Variants in MYO7A observed in about 807,000 individuals in gnomAD.
MYO7A encodes the protein unconventional myosin-VIIa.
A neutral mutation model predicts 263.8 loss-of-function variants in MYO7A; 210 were observed. That is an observed-to-expected ratio of 0.80 (90% CI 0.71 to 0.89). MYO7A has a LOEUF of 0.89. Ranked by LOEUF, MYO7A falls within the 40% of genes least tolerant of loss-of-function variation. MYO7A has a pLI of 0.00. For missense variants in MYO7A, 2,820 were observed against 2,968.3 expected, an observed-to-expected ratio of 0.95 and a Z score of 1.16; for synonymous variants, 1,239 against 1,197.3, an observed-to-expected ratio of 1.03 and a Z score of -0.72.
In MYO7A at chr11:77,214,656, C is replaced by T. The variant is rs1294728076; in HGVS notation, c.6608C>T (p.Thr2203Ile). 2 of 1,586,018 alleles carry T rather than the reference C, an allele frequency of 1.3e-6. No homozygotes were observed. Among genetic ancestry groups the T allele is most frequent in the South Asian group, 2.3e-5 (2 of 86,622 alleles). ...ACTTCCTACATTAGCCAGATGCTCA[C>T]AGCCATGAGCAAACAGCGGGGCTCC... is the stretch of plus-strand genomic sequence containing the variant. The part of the protein sequence containing the change: ...LLTSYISQML[T>I]AMSKQRGSRS... The change falls in exon 49 of 49, where the codon ACA (threonine) becomes ATA (isoleucine). Residue 2203 changes from threonine to isoleucine, a missense_variant. Transcript: ENST00000409709.
In MYO7A at chr11:77,208,413, G is replaced by A. The variant is rs776576976; in HGVS notation, c.5857-17G>A. 24 of 1,590,302 alleles carry A rather than the reference G, an allele frequency of 1.5e-5. No individual in the cohort carries two copies. Among genetic ancestry groups the A allele is most frequent in the East Asian group, 1.3e-4 (6 of 44,726 alleles). On this transcript the variant is annotated splice_polypyrimidine_tract_variant and intron_variant, in intron 42 of 48. Transcript: ENST00000409709. ...GTGTTGCTTAAACTGAGTGTGCTTC[G>A]ATGGCCCTGACCCCAGGTCCTCAGC...
At position 77,181,301 on chromosome 11, in the gene MYO7A, TCC is replaced by T. The variant is rs1955161325; in HGVS notation, c.2695-76_2695-75del. ...CTGAGGCCCTGGCTGCTGCAGGGGC[TCC>T]CCAGGGAGAGCTTGTTCCCTGAGGC... On this transcript the variant is annotated intron_variant, in intron 22 of 48. Transcript: ENST00000409709. 7.5e-6 allele frequency: 10 copies of T among 1,333,708 alleles called. No homozygotes were observed. The South Asian group carries it at 1.5e-4, about 19-fold the overall frequency. The allele number at this position is 1,333,708 out of a possible 1,614,324, so 82.6% of individuals were successfully genotyped here.
chr11:77,182,669 C>A, intron 25 of MYO7A, 69 bp downstream of exon 25: 1 of 1,523,962 alleles, frequency 6.6e-7, no homozygotes, highest in Non-Finnish European at 8.9e-7. Flanking sequence ...GCATCACCAG[C>A]CTTGGGCTCC....
At chr11:77,177,518 T>G in intron 18 of MYO7A, 31 bp from the exon 19 acceptor site, 1 of 1,565,362 alleles carries the variant, frequency 6.4e-7, no homozygotes, top group East Asian at 2.3e-5. Context: ...GGAGACCTTG[T>G]GGGGCGCTGC....
chr11:77,203,000 G>A (rs1223914953), intron 37 of MYO7A, 60 bp from the exon 38 acceptor site: 2 of 1,531,100 alleles, frequency 1.3e-6, no homozygotes, highest in East Asian at 4.9e-5. Flanking sequence ...CACAACCTGG[G>A]GGTTTCTCCC....
At chr11:77,172,605 A>G (rs1954201006) in intron 15 of MYO7A, 143 bp from the exon 16 acceptor site, 5 of 1,066,922 alleles carry the variant, frequency 4.7e-6, no homozygotes. Flanking sequence ...GGGGAGAGGC[A>G]GTTTGCAGGA....
intron 16 of MYO7A, among the ~76,000 whole-genome samples, chr11:77,173,706 G>T (rs1555078109): frequency 2.0e-5 from 3 of 152,144 alleles, no homozygotes; most frequent in Non-Finnish European, 4.4e-5. Flanking sequence ...AAGTGGCCCG[G>T]AGAGAGAGGA....
rs372016012 is a variant in MYO7A at position 77,204,118 on chromosome 11, G to A, written c.5369G>A (p.Arg1790His). ...YMGDYPSKRT[R>H]SVNELTDQIF... ...GGCGACTACCCGTCCAAGAGGACAC[G>A]CTCCGTCAACGAGCTCACCGACCAG... Residue 1790 changes from arginine (R) to histidine (H), a missense_variant, in exon 39 of 49, where the codon CGC becomes CAC. Arg to His is a conservative substitution (Grantham distance 29). Transcript: ENST00000409709. 1.2e-5 allele frequency: 19 copies of A among 1,600,540 alleles called. No homozygotes were observed. The highest frequency in any genetic ancestry group is 4.5e-5 in the East Asian group (2 of 44,104).
At chr11:77,145,595 AT>A (rs113607301) in intron 3 of MYO7A, among the ~76,000 whole-genome samples, 2,807 of 151,852 alleles carry the variant, frequency 0.018, 74 homozygotes, top group African/African-American at 0.063. Flanking sequence ...GCATGGGGGG[AT>A]TTTCCAACAG....
At chr11:77,163,089 A>G in intron 14 of MYO7A, 101 bp downstream of exon 14, 1 of 1,378,466 alleles carries the variant, frequency 7.3e-7, no homozygotes, top group South Asian at 1.3e-5. Context: ...AGATTTTTAA[A>G]AATTGTGATT....
chr11:77,210,064 A>T (rs1485485955), intron 44 of MYO7A, among the ~76,000 whole-genome samples: 1 of 152,264 alleles, frequency 6.6e-6, no homozygotes, highest in African/African-American at 2.4e-5. Flanking sequence ...TTTATCTTAA[A>T]GGAAGTCTGC....
At chr11:77,180,718 C>G (rs1555083590) in intron 22 of MYO7A, among the ~76,000 whole-genome samples, 1 of 152,172 alleles carries the variant, frequency 6.6e-6, no homozygotes, top group Non-Finnish European at 1.5e-5. Flanking sequence ...CCTCAGCAGC[C>G]CCTTTCTAGT....
At chr11:77,205,939 A>G (rs1957419438) in intron 40 of MYO7A, among the ~76,000 whole-genome samples, 158 bp from the exon 41 acceptor site, 1 of 152,064 alleles carries the variant, frequency 6.6e-6, no homozygotes, top group South Asian at 2.1e-4. Context: ...CATTTTACAG[A>G]TGAGGAGCTC....
At chr11:77,174,993 G>A in intron 17 of MYO7A, 79 bp downstream of exon 17, 1 of 1,555,932 alleles carries the variant, frequency 6.4e-7, no homozygotes, top group Non-Finnish European at 8.8e-7. Context: ...TTCTTATCAG[G>A]ACCATGGGCG....
intron 19 of MYO7A, among the ~76,000 whole-genome samples, chr11:77,178,187 A>C: frequency 7.0e-6 from 1 of 142,126 alleles, no homozygotes; most frequent in Non-Finnish European, 1.5e-5. Flanking sequence ...TCACCCACCC[A>C]CCTACCCATC....
chr11:77,189,819 G>A (rs1193527513), intron 28 of MYO7A, among the ~76,000 whole-genome samples: 1 of 152,228 alleles, frequency 6.6e-6, no homozygotes, highest in African/African-American at 2.4e-5. Flanking sequence ...ATGGGGAGGA[G>A]CCACTAGGCT....
At chr11:77,175,278 G>A (rs1351123562) in intron 17 of MYO7A, 94 bp from the exon 18 acceptor site, 20 of 1,172,334 alleles carry the variant, frequency 1.7e-5, no homozygotes, top group Middle Eastern at 2.1e-4. Context: ...GGCAGAGCTC[G>A]GGAAGAGCCC....
chr11:77,145,302 A>T (rs1951486631), intron 3 of MYO7A, among the ~76,000 whole-genome samples: 1 of 152,158 alleles, frequency 6.6e-6, no homozygotes, highest in Non-Finnish European at 1.5e-5. Flanking sequence ...GGATGTCGTG[A>T]TCACATCCAT....
In MYO7A at chr11:77,190,768, G is replaced by T; in HGVS notation, c.3822G>T (p.Thr1274=). The change falls in exon 30 of 49, where the codon ACG becomes ACT. Residue 1274 remains threonine, a synonymous_variant. Transcript: ENST00000409709. ...FMDGTTKTLL[T]DSATTAKELC... ...ATGGGACCACCAAGACCCTGCTGACGGACTCGGCAACCACGGCCAAGGAGC... is the reference window on the plus strand; with the variant it reads ...ATGGGACCACCAAGACCCTGCTGACTGACTCGGCAACCACGGCCAAGGAGC... 1.3e-6 allele frequency: 2 copies of T among 1,599,202 alleles called. No homozygotes were observed. The highest frequency in any genetic ancestry group is 2.7e-5 in the African/African-American group (2 of 74,602).
Sources: allele counts gnomAD v4.1 joint callset (sites outside exome capture counted in the v4.1 genomes callset), GRCh38; gene constraint gnomAD v4.1.1; transcripts MANE v1.5; gene names NCBI Gene and HGNC (gene_info 2026-07-23, HGNC 2026-07-21).